Variants in PLEKHG7 observed in about 807,000 individuals in gnomAD.
The protein encoded by PLEKHG7 is pleckstrin homology and RhoGEF domain containing G7, also known as pleckstrin homology domain-containing family G member 7.
In PLEKHG7, 77 loss-of-function variants were observed where a neutral mutation model predicts 85.2. The observed-to-expected ratio is 0.90, with a 90% CI of 0.75 to 1.09. The LOEUF is 1.09. Ranked by LOEUF, PLEKHG7 falls within the 50% of genes least tolerant of loss-of-function variation. The pLI is 0.00. For missense variants in PLEKHG7, 777 were observed against 804.3 expected (o/e 0.97, Z 0.41); for synonymous variants, 301 against 302.4 (o/e 1.00, Z 0.05).
At chr12:92,758,046 T>A (rs555846430) in intron 13 of PLEKHG7, among the ~76,000 whole-genome samples, 160 of 152,326 alleles carry the variant, frequency 1.1e-3, no homozygotes, top group South Asian at 9.3e-3. Context: ...TTTGAAAACA[T>A]AACAATTTTA....
chr12:92,733,837 TAC>T (rs1396161470), intron 5 of PLEKHG7, among the ~76,000 whole-genome samples: 1 of 152,228 alleles, frequency 6.6e-6, no homozygotes, highest in Non-Finnish European at 1.5e-5. Context: ...CAACTTGTTC[TAC>T]ACACATGTGT....
intron 15 of PLEKHG7, among the ~76,000 whole-genome samples, chr12:92,766,928 G>A (rs1001523317): frequency 6.6e-6 from 1 of 151,796 alleles, no homozygotes; most frequent in Non-Finnish European, 1.5e-5. Flanking sequence ...CTCATTCCTC[G>A]GGCCTATTAA....
At chr12:92,733,130 A>G (rs1872040748) in intron 5 of PLEKHG7, among the ~76,000 whole-genome samples, 1 of 152,180 alleles carries the variant, frequency 6.6e-6, no homozygotes, top group African/African-American at 2.4e-5. Flanking sequence ...GCTAAATAAA[A>G]AGCCCTCTGA....
chr12:92,717,800 T>C (rs905986275), intron 3 of PLEKHG7, among the ~76,000 whole-genome samples: 7 of 152,192 alleles, frequency 4.6e-5, no homozygotes, highest in Admixed American at 2.6e-4. Context: ...GTTCACACAA[T>C]GACAAAATTG....
intron 4 of PLEKHG7, among the ~76,000 whole-genome samples, chr12:92,730,522 T>G (rs903812470): frequency 3.3e-5 from 5 of 152,196 alleles, no homozygotes; most frequent in Non-Finnish European, 7.3e-5. Flanking sequence ...TTTGTTGTGG[T>G]GGTGGTGGTG....
chr12:92,760,329 A>T (rs1872950725), intron 13 of PLEKHG7, among the ~76,000 whole-genome samples: 1 of 152,180 alleles, frequency 6.6e-6, no homozygotes, highest in South Asian at 2.1e-4. Context: ...TTTTAATATG[A>T]TTTTTAAAAA....
intron 13 of PLEKHG7, among the ~76,000 whole-genome samples, chr12:92,760,834 A>G (rs1206689844): frequency 6.6e-6 from 1 of 152,230 alleles, no homozygotes; most frequent in Non-Finnish European, 1.5e-5. Flanking sequence ...CTAAACATTT[A>G]TAGACACTTT....
intron 3 of PLEKHG7, among the ~76,000 whole-genome samples, chr12:92,712,838 A>G (rs1871389806): frequency 6.6e-6 from 1 of 152,182 alleles, no homozygotes; most frequent in Non-Finnish European, 1.5e-5. Flanking sequence ...CACTGGACTC[A>G]CTGTAAGTCA....
chr12:92,718,733 T>G (rs115728496), intron 3 of PLEKHG7, among the ~76,000 whole-genome samples: 2,350 of 152,270 alleles, frequency 0.015, 68 homozygotes, highest in African/African-American at 0.054. Context: ...TGTACAAATA[T>G]TGCTTAATCC....
chr12:92,719,621 C>T (rs1365051987), intron 3 of PLEKHG7, among the ~76,000 whole-genome samples: 2 of 152,192 alleles, frequency 1.3e-5, no homozygotes, highest in African/African-American at 4.8e-5. Context: ...CTTTTAGACA[C>T]ACATATCACT....
chr12:92,752,118 A>G (rs920803054), intron 10 of PLEKHG7, among the ~76,000 whole-genome samples: 40 of 152,178 alleles, frequency 2.6e-4, no homozygotes, highest in African/African-American at 9.6e-4. Context: ...GACAAATGCA[A>G]ATTGCTAGGC....
intron 7 of PLEKHG7, among the ~76,000 whole-genome samples, chr12:92,738,692 C>CT (rs1872256835): frequency 6.6e-6 from 1 of 152,324 alleles, no homozygotes; most frequent in Non-Finnish European, 1.5e-5. Flanking sequence ...TTTGACAGTC[C>CT]TTGTCCTAAG....
intron 3 of PLEKHG7, among the ~76,000 whole-genome samples, chr12:92,716,641 GA>G (rs1233560667): frequency 6.6e-6 from 1 of 152,216 alleles, no homozygotes; most frequent in Non-Finnish European, 1.5e-5. Flanking sequence ...AAGTGTGAGG[GA>G]ATTTAGGCTT....
Position 92,764,047 on chromosome 12 carries a change from G to A in PLEKHG7, c.1723G>A (p.Gly575Arg). The A allele has an allele frequency of 6.3e-7, 1 of 1,590,740 alleles. No homozygotes were observed. The highest frequency in any genetic ancestry group is 8.5e-7 in the Non-Finnish European group (1 of 1,170,400). ...TKTKCNKKKL[G>R]GSDPGLMCPS... ...TTTTTCTTGTTAATTTCAGAAACTT[G>A]GAGGCTCAGACCCTGGTTTAATGTG... Residue 575 changes from glycine (G) to arginine (R), a missense_variant, in exon 15 of 17, where the codon GGA becomes AGA. By Grantham distance (125) the Gly-to-Arg change is moderately radical. Transcript: ENST00000344636.
intron 6 of PLEKHG7, 57 bp downstream of exon 6, chr12:92,736,634 G>A: frequency 9.4e-7 from 1 of 1,069,024 alleles, no homozygotes; most frequent in Non-Finnish European, 1.2e-6. Context: ...TTTTTGGTGG[G>A]GTGGGGAAGG....
chr12:92,754,725 A>G (rs940262641), intron 11 of PLEKHG7, among the ~76,000 whole-genome samples: 5 of 152,156 alleles, frequency 3.3e-5, no homozygotes, highest in Non-Finnish European at 5.9e-5. Flanking sequence ...TTAAACTGAA[A>G]TTTGAGGATG....
chr12:92,707,763 C>A, intron 3 of PLEKHG7, 91 bp downstream of exon 3: 1 of 1,595,400 alleles, frequency 6.3e-7, no homozygotes, highest in Non-Finnish European at 8.6e-7. Flanking sequence ...ACAAAGCTGA[C>A]GGTGTGTTAA....
Position 92,723,172 on chromosome 12 carries a change from A to G in PLEKHG7, c.531-5821A>G, listed in dbSNP as rs12309415. Among the ~76,000 whole-genome samples the G allele has an allele frequency of 1.8e-3, 267 of 152,374 alleles. 1 individual carries two copies. The highest frequency in any genetic ancestry group is 6.3e-3 in the African/African-American group (262 of 41,586). On this transcript the variant is annotated intron_variant, in intron 3 of 16. Transcript: ENST00000344636. The stretch of plus-strand genomic sequence containing the variant: ...ACACAGCTAGCTATTCTTGGAGTAC[A>G]CATTCTGCAGGAGTTTGTGTAGGGA...
chr12:92,733,526 A>C (rs1592679055), intron 5 of PLEKHG7, among the ~76,000 whole-genome samples: 1 of 152,214 alleles, frequency 6.6e-6, no homozygotes. Context: ...GCTGTTGCTC[A>C]TCAGTCATTT....
Sources: allele counts gnomAD v4.1 joint callset (sites outside exome capture counted in the v4.1 genomes callset), GRCh38; gene constraint gnomAD v4.1.1; transcripts MANE v1.5; gene names NCBI Gene and HGNC (gene_info 2026-07-23, HGNC 2026-07-21).